PCGF6: variants seen among roughly 807,000 people sequenced by gnomAD.
The protein encoded by PCGF6 is polycomb group ring finger 6, also known as polycomb group RING finger protein 6.
In PCGF6, 24 loss-of-function variants were observed where a neutral mutation model predicts 45.5. That is an observed-to-expected ratio of 0.53 (90% CI 0.38 to 0.74). The LOEUF (loss-of-function observed/expected upper bound fraction) is 0.74, where lower values mean the gene tolerates loss of function less well. PCGF6 is among the 30% of genes least tolerant of loss of function. The pLI is 0.00. For synonymous variants in PCGF6, 152 were observed against 162.1 expected, an observed-to-expected ratio of 0.94 and a Z score of 0.47; for missense variants, 356 against 443.2, an observed-to-expected ratio of 0.80 and a Z score of 1.77.
intron 3 of PCGF6, chr10:103,348,515 G>A (rs190338298): frequency 1.3e-5 from 5 of 393,530 alleles, no homozygotes; most frequent in Non-Finnish European, 2.3e-5. Context: ...AGTGGAGATG[G>A]GGTTTCACCA....
chr10:103,333,860 A>C (rs2093248162), intron 7 of PCGF6, 65 bp downstream of exon 7: 1 of 1,240,208 alleles, frequency 8.1e-7, no homozygotes, highest in Admixed American at 2.5e-5. Flanking sequence ...TTGGTTGCTA[A>C]TCTGACTCGA....
chr10:103,329,738 G>GTGT (rs1347080533), intron 7 of PCGF6, among the ~76,000 whole-genome samples: 4 of 152,148 alleles, frequency 2.6e-5, no homozygotes, highest in African/African-American at 9.7e-5. Flanking sequence ...CTCCCAAAGT[G>GTGT]CTGGGATTAT....
At chr10:103,317,565 G>A (rs1351506606) in intron 8 of PCGF6, among the ~76,000 whole-genome samples, 1 of 151,892 alleles carries the variant, frequency 6.6e-6, no homozygotes, top group East Asian at 1.9e-4. Context: ...CAGGAGGACT[G>A]CTTGAGTTTG....
At chr10:103,341,182 T>C (rs1010855580) in intron 6 of PCGF6, among the ~76,000 whole-genome samples, 4 of 151,024 alleles carry the variant, frequency 2.6e-5, no homozygotes, top group African/African-American at 9.7e-5. Flanking sequence ...TGAGCCGAGA[T>C]TGCGCCATTG....
At chr10:103,341,021 G>A (rs1294608366) in intron 6 of PCGF6, among the ~76,000 whole-genome samples, 2 of 152,078 alleles carry the variant, frequency 1.3e-5, no homozygotes, top group African/African-American at 4.8e-5. Flanking sequence ...CCTGAGGTCG[G>A]GAGATTGAGA....
intron 1 of PCGF6, among the ~76,000 whole-genome samples, chr10:103,349,237 G>A (rs2093310934): frequency 1.3e-5 from 2 of 151,432 alleles, no homozygotes; most frequent in Admixed American, 1.3e-4. Flanking sequence ...TAGTAGAGAT[G>A]GGGTTTCACC....
intron 6 of PCGF6, among the ~76,000 whole-genome samples, chr10:103,344,307 T>C (rs1193115560): frequency 6.6e-6 from 1 of 151,358 alleles, no homozygotes; most frequent in Non-Finnish European, 1.5e-5. Context: ...AGTCTCACTC[T>C]GTCACCCAGA....
intron 7 of PCGF6, 61 bp from the exon 8 acceptor site, chr10:103,326,693 A>T (rs2093220186): frequency 8.4e-7 from 1 of 1,187,674 alleles, no homozygotes; most frequent in African/African-American, 1.5e-5. Flanking sequence ...TGCATGACGT[A>T]TGTGTATATA....
intron 9 of PCGF6, among the ~76,000 whole-genome samples, chr10:103,311,353 G>C (rs1004412655): frequency 1.4e-4 from 21 of 151,684 alleles, no homozygotes; most frequent in Admixed American, 1.4e-3. Flanking sequence ...TGTTGGCCAG[G>C]CTGGTCTTGA....
rs1188059728 is a variant in PCGF6, at chr10:103,346,113, T to C, written c.674-981A>G. On this transcript the variant is annotated intron_variant, in intron 5 of 9. Transcript: ENST00000369847. ...CAGGAGGCCAAGGCAGGAGAATTGCTTGAACCTGGAGGCGGAGGTTGCAGT... is the reference window on the plus strand; with the variant it reads ...CAGGAGGCCAAGGCAGGAGAATTGCCTGAACCTGGAGGCGGAGGTTGCAGT... 4.0e-5 allele frequency among the ~76,000 whole-genome samples: 6 copies of C among 150,714 alleles called. No homozygotes were observed. In the East Asian group the frequency reaches 1.2e-3, roughly 29 times the overall value.
rs550816212 is a variant in PCGF6 at position 103,325,043 on chromosome 10, G to A, written c.909+1491C>T. ...CAGCTACTCAGGAAGGCTGAGGCAGGAGAATCGCCTGAACCCGGGGGGCGG... is the reference window on the plus strand; with the variant it reads ...CAGCTACTCAGGAAGGCTGAGGCAGAAGAATCGCCTGAACCCGGGGGGCGG... On this transcript the variant is annotated intron_variant, in intron 8 of 9. Coordinates refer to ENST00000369847, the MANE Select transcript of PCGF6 (RefSeq NM_001011663.2). Among the ~76,000 whole-genome samples the A allele has an allele frequency of 5.4e-3, 821 of 151,394 alleles. 2 individuals are homozygous for A. Among genetic ancestry groups the A allele is most frequent in the Non-Finnish European group, 7.9e-3 (534 of 67,902 alleles).
intron 8 of PCGF6, among the ~76,000 whole-genome samples, chr10:103,317,672 T>C (rs991568449): frequency 2.6e-5 from 4 of 151,494 alleles, no homozygotes; most frequent in Non-Finnish European, 5.9e-5. Context: ...GACAGGTATA[T>C]AGTAACAAAC....
intron 9 of PCGF6, among the ~76,000 whole-genome samples, chr10:103,311,288 C>A (rs1039416628): frequency 1.3e-5 from 2 of 151,312 alleles, no homozygotes; most frequent in Admixed American, 1.3e-4. Flanking sequence ...ATTACAGGCA[C>A]CTGCCACCAC....
intron 6 of PCGF6, among the ~76,000 whole-genome samples, chr10:103,340,961 G>A (rs980427050): frequency 6.6e-6 from 1 of 152,022 alleles, no homozygotes; most frequent in Non-Finnish European, 1.5e-5. Flanking sequence ...CAGGCGCGGT[G>A]GCTCACGCCT....
chr10:103,336,479 C>T (rs1295282431), intron 6 of PCGF6, among the ~76,000 whole-genome samples: 1 of 152,112 alleles, frequency 6.6e-6, no homozygotes, highest in East Asian at 1.9e-4. Context: ...AGAATTATCT[C>T]TGTAGAATAC....
chr10:103,330,471 A>T (rs908815154), intron 7 of PCGF6, among the ~76,000 whole-genome samples: 11 of 152,068 alleles, frequency 7.2e-5, no homozygotes, highest in African/African-American at 2.7e-4. Flanking sequence ...TTTCTATCGA[A>T]TCTTGGCTTA....
intron 5 of PCGF6, among the ~76,000 whole-genome samples, chr10:103,346,497 G>C (rs1009705609): frequency 1.3e-5 from 2 of 151,900 alleles, no homozygotes; most frequent in Admixed American, 1.3e-4. Flanking sequence ...AGTGGCGGGC[G>C]CCTGTAGCCC....
chr10:103,319,776 G>A (rs2093189833), intron 8 of PCGF6, among the ~76,000 whole-genome samples: 1 of 152,016 alleles, frequency 6.6e-6, no homozygotes, highest in Non-Finnish European at 1.5e-5. Context: ...TTTAATAGAA[G>A]GCTTAATATC....
intron 6 of PCGF6, among the ~76,000 whole-genome samples, chr10:103,342,388 A>G (rs967526229): frequency 2.0e-5 from 3 of 151,748 alleles, no homozygotes; most frequent in Non-Finnish European, 4.4e-5. Flanking sequence ...CACCTGCCAC[A>G]ACACCTGGCT....
Sources: gnomAD v4.1 joint callset for allele counts (sites outside exome capture counted in the v4.1 genomes callset) on GRCh38, gnomAD v4.1.1 for gene constraint, MANE v1.5 for transcripts, NCBI Gene and HGNC (gene_info 2026-07-23, HGNC 2026-07-21) for gene names.